VPS13D: variants seen among roughly 807,000 people sequenced by gnomAD.
VPS13D encodes vacuolar protein sorting 13 homolog D.
VPS13D carries 187 observed loss-of-function variants against 461.9 expected under a neutral mutation model. That is an observed-to-expected ratio of 0.40 (90% CI 0.36 to 0.46). The LOEUF (loss-of-function observed/expected upper bound fraction) is 0.46, where lower values mean the gene tolerates loss of function less well. Ranked by LOEUF, VPS13D falls within the 20% of genes least tolerant of loss-of-function variation. VPS13D has a pLI of 0.60. For synonymous variants in VPS13D, 1,951 were observed against 1,986.3 expected (o/e 0.98, Z 0.47); for missense variants, 4,711 against 5,364.9 (o/e 0.88, Z 3.81).
chr1:12,276,944 T>C lies in VPS13D; in HGVS notation c.3356T>C (p.Ile1119Thr), dbSNP rs1368867509. The stretch of plus-strand genomic sequence containing the variant: ...GATATTATCCTCAATCCAGAGACGA[T>C]TGTGGAGCTAATTGGTTTTCTTCAA... ...NLDIILNPET[I>T]VELIGFLQKS... The change falls in exon 19 of 70, where the codon ATT becomes ACT. Residue 1119 changes from isoleucine (I) to threonine (T), a missense_variant. Transcript: ENST00000620676. The surrounding 1 kb of genome is among the most constrained non-coding windows in gnomAD (Gnocchi z 4.5). 2 of 1,614,128 alleles carry C rather than the reference T, an allele frequency of 1.2e-6. No individual in the cohort carries two copies. Among genetic ancestry groups the C allele is most frequent in the South Asian group, 1.1e-5 (1 of 91,082 alleles).
At chr1:12,441,133 C>A (rs189320960) in intron 65 of VPS13D, among the ~76,000 whole-genome samples, 11 of 152,198 alleles carry the variant, frequency 7.2e-5, no homozygotes, top group Admixed American at 2.0e-4. Flanking sequence ...GCCATGTTGA[C>A]CAGGCTGGTC....
At position 12,267,860 on chromosome 1, in the gene VPS13D, A is replaced by G. The variant is rs761440688; in HGVS notation, c.1741A>G (p.Arg581Gly). ...VFPNPQKEVG[R>G]VSQSFGLQTT... ...TGTTTAATAGCAAAAAGAAGTTGGCAGAGTCTCACAATCTTTTGGTCTACA... is the reference window on the plus strand; with the variant it reads ...TGTTTAATAGCAAAAAGAAGTTGGCGGAGTCTCACAATCTTTTGGTCTACA... Residue 581 changes from arginine to glycine, a missense_variant, in exon 15 of 70, where the codon AGA becomes GGA. Around this residue, in one of 3 missense-constraint regions of VPS13D, gnomAD observed 4,411 missense variants for 4,937.8 expected, o/e 0.89. Coordinates refer to ENST00000620676, the MANE Select transcript of VPS13D (RefSeq NM_015378.4). The G allele has an allele frequency of 1.2e-6, 2 of 1,614,178 alleles. No individual in the cohort carries two copies. The highest frequency in any genetic ancestry group is 1.7e-6 in the Non-Finnish European group (2 of 1,180,014).
At chr1:12,294,660 A>C (rs1376349240) in intron 24 of VPS13D, among the ~76,000 whole-genome samples, 1 of 152,064 alleles carries the variant, frequency 6.6e-6, no homozygotes, top group African/African-American at 2.4e-5. Context: ...TAAAATACAA[A>C]AATTAGCTGG....
rs1644582851 is a variant in VPS13D, at chr1:12,401,661, C to T, written c.11838C>T (p.Leu3946=). The T allele has an allele frequency of 2.5e-6, 4 of 1,613,562 alleles. No homozygotes were observed. The highest frequency in any genetic ancestry group is 3.4e-6 in the Non-Finnish European group (4 of 1,179,572). Residue 3946 remains leucine, a synonymous_variant, in exon 62 of 70, where the codon CTC becomes CTT. Coordinates refer to ENST00000620676, the MANE Select transcript of VPS13D (RefSeq NM_015378.4). ...RFTVQIEEKL[L]LKLLSFFGYD... ...CAGTGCAAATTGAGGAGAAACTGCT[C>T]CTCAAGCTGCTAAGTTTCTTTGGCT...
At chr1:12,353,913 G>A in intron 46 of VPS13D, 61 bp from the exon 47 acceptor site, 1 of 1,547,994 alleles carries the variant, frequency 6.5e-7, no homozygotes, top group Middle Eastern at 1.7e-4. Flanking sequence ...ACTTAGCTAA[G>A]GAGAAAAAAT....
chr1:12,503,397 T>G (rs1430775781), intron 68 of VPS13D, among the ~76,000 whole-genome samples: 1 of 152,048 alleles, frequency 6.6e-6, no homozygotes, highest in Non-Finnish European at 1.5e-5. Context: ...TGGCCCAGGA[T>G]GGTCTCAAAC....
In VPS13D at chr1:12,354,028, A is replaced by G; in HGVS notation, c.9486A>G (p.Ile3162Met). ...ENYPDYMPSN[I>M]FSDSAKQIFR... ...ATCCAGATTATATGCCCTCAAACAT[A>G]TTTTCTGACAGTGCAAAACAGATTT... is the stretch of plus-strand genomic sequence containing the variant. The change falls in exon 47 of 70, where the codon ATA (isoleucine) becomes ATG (methionine). Residue 3162 changes from isoleucine (I) to methionine (M), a missense_variant. Transcript: ENST00000620676. 6.2e-7 allele frequency: 1 copy of G among 1,614,166 alleles called. No homozygotes were observed.
chr1:12,367,553 A>AATTTATTTATTTATTTATTTATTTATTT (rs202235716), intron 52 of VPS13D: 17 of 148,966 alleles, frequency 1.1e-4, no homozygotes, highest in African/African-American at 3.3e-4. Context: ...GTTGCGATGA[A>AATTTATTTATTTATTTATTTATTTATTT]ATTTATTTAT....
intron 65 of VPS13D, among the ~76,000 whole-genome samples, chr1:12,444,551 G>A (rs1347668275): frequency 6.6e-6 from 1 of 151,800 alleles, no homozygotes; most frequent in African/African-American, 2.4e-5. Context: ...CACCTCTCAT[G>A]CTCTTTTCTG....
At chr1:12,256,186 T>C (rs1460850338) in intron 7 of VPS13D, 147 bp from the exon 8 acceptor site, 1 of 899,970 alleles carries the variant, frequency 1.1e-6, no homozygotes, top group African/African-American at 1.7e-5. Flanking sequence ...TAAAAATGAA[T>C]AAAAACAAAA....
At chr1:12,313,090 G>C (rs990676599) in intron 29 of VPS13D, among the ~76,000 whole-genome samples, 4 of 152,132 alleles carry the variant, frequency 2.6e-5, no homozygotes, top group African/African-American at 9.7e-5. Context: ...TTTCTGACTA[G>C]CTTAAGGTCG....
Position 12,373,783 on chromosome 1 carries a change from C to A in VPS13D, c.10842C>A (p.Ser3614=). The change falls in exon 55 of 70, where the codon TCC becomes TCA. Residue 3614 remains serine, a synonymous_variant. Coordinates refer to ENST00000620676, the MANE Select transcript of VPS13D (RefSeq NM_015378.4). The part of the protein sequence containing the change: ...LQEGTGRPVA[S]NKAITCAELV... ...AGGGAACAGGCAGGCCTGTGGCTTC[C>A]AACAAGGCCATTACCTGTGCGGAGC... 6.4e-7 allele frequency: 1 copy of A among 1,570,854 alleles called. No homozygotes were observed. Among genetic ancestry groups the A allele is most frequent in the Non-Finnish European group, 8.6e-7 (1 of 1,161,634 alleles).
chr1:12,303,119 T>A (rs1280615749), intron 25 of VPS13D, among the ~76,000 whole-genome samples: 1 of 152,254 alleles, frequency 6.6e-6, no homozygotes, highest in Non-Finnish European at 1.5e-5. Context: ...TGCCTTTGAA[T>A]ACATTTGCAT....
chr1:12,343,768 G>A (rs1261011436), intron 42 of VPS13D, among the ~76,000 whole-genome samples: 1 of 152,248 alleles, frequency 6.6e-6, no homozygotes, highest in Non-Finnish European at 1.5e-5. Flanking sequence ...GATAACCTGT[G>A]TGTTTCACAG....
rs1643906857 is a variant in VPS13D, at chr1:12,358,475, G to A, written c.10015G>A (p.Gly3339Arg). 7 of 1,614,024 alleles carry A rather than the reference G, an allele frequency of 4.3e-6. No individual in the cohort carries two copies. Among genetic ancestry groups the A allele is most frequent in the East Asian group, 4.5e-5 (2 of 44,892 alleles). Residue 3339 changes from glycine (G) to arginine (R), a missense_variant, in exon 50 of 70, where the codon GGA becomes AGA. This residue lies in a region of VPS13D where 4,411 missense variants were observed against 4,937.8 expected (regional missense o/e 0.89). Transcript: ENST00000620676. ...GCCCCACAGCTGCACGATGAGAATC[G>A]GAAGGGGGATTCATCCAGAAGGCAT... ...EQPNLCTMRI[G>R]RGIHPEGMPG...
chr1:12,356,837 T>C (rs1027723965), intron 49 of VPS13D, among the ~76,000 whole-genome samples: 2 of 152,242 alleles, frequency 1.3e-5, no homozygotes, highest in Admixed American at 1.3e-4. Context: ...CTGCAGTTTT[T>C]CTTCCCCTGT....
In VPS13D at chr1:12,478,801, T is replaced by C. The variant is rs368481440; in HGVS notation, c.12662+18405T>C. ...GAGTAGCTCTCTGTTTGTGGTATAA[T>C]GTTGCTGGAGGAAACAGGGCTGACA... On this transcript the variant is annotated intron_variant, in intron 67 of 69. Coordinates refer to ENST00000620676, the MANE Select transcript of VPS13D (RefSeq NM_015378.4). 52 of 456,078 alleles carry C rather than the reference T, an allele frequency of 1.1e-4. No individual in the cohort carries two copies. The East Asian group carries it at 1.5e-3, about 13-fold the overall frequency. 28.3% of individuals were successfully genotyped at this position (456,078 alleles called of 1,614,324 possible). A position where few individuals can be genotyped will look rare whatever the true frequency, so the allele number is the denominator to read the frequency against.
At chr1:12,414,566 A>G (rs1644771385) in intron 63 of VPS13D, among the ~76,000 whole-genome samples, 1 of 152,138 alleles carries the variant, frequency 6.6e-6, no homozygotes, top group African/African-American at 2.4e-5. Flanking sequence ...AGAAGAACTT[A>G]CCTGTAGTGA....
chr1:12,394,639 T>C (rs1195149714), intron 60 of VPS13D, among the ~76,000 whole-genome samples: 1 of 152,148 alleles, frequency 6.6e-6, no homozygotes, highest in Non-Finnish European at 1.5e-5. Context: ...CAAGGATATA[T>C]CTTCTGGACC....
Sources: allele counts gnomAD v4.1 joint callset (sites outside exome capture counted in the v4.1 genomes callset), GRCh38; gene constraint gnomAD v4.1.1; regional missense constraint gnomAD v4.1.1; non-coding constraint Gnocchi (gnomAD v3.1); transcripts MANE v1.5; gene names NCBI Gene and HGNC (gene_info 2026-07-23, HGNC 2026-07-21).